Variants in SUCLG2 observed in about 807,000 individuals in gnomAD.
SUCLG2 encodes the protein succinate--CoA ligase [GDP-forming] subunit beta, mitochondrial.
In SUCLG2, 42 loss-of-function variants were observed where a neutral mutation model predicts 47.9. That is an observed-to-expected ratio of 0.88 (90% CI 0.69 to 1.14). SUCLG2 has a LOEUF of 1.14. SUCLG2 is among the 50% of genes most tolerant of loss of function. The pLI is 0.00. For missense variants in SUCLG2, 571 were observed against 525.9 expected (o/e 1.09, Z -0.84); for synonymous variants, 195 against 197.3 (o/e 0.99, Z 0.10).
At chr3:67,457,894 C>G (rs1704229867) in intron 9 of SUCLG2, among the ~76,000 whole-genome samples, 1 of 151,966 alleles carries the variant, frequency 6.6e-6, no homozygotes, top group Non-Finnish European at 1.5e-5. Flanking sequence ...AGTCCCTTCC[C>G]TTTGGATCCT....
intron 7 of SUCLG2, among the ~76,000 whole-genome samples, chr3:67,503,442 T>C (rs1323907325): frequency 6.6e-6 from 1 of 152,244 alleles, no homozygotes; most frequent in Admixed American, 6.5e-5. Flanking sequence ...CGCTTCTAAA[T>C]GCACTTCTTG....
At chr3:67,378,186 T>C (rs955377783) in intron 10 of SUCLG2, among the ~76,000 whole-genome samples, 2 of 152,218 alleles carry the variant, frequency 1.3e-5, no homozygotes, top group Admixed American at 6.5e-5. Flanking sequence ...AAAATGGTTT[T>C]CAAAGATCAA....
intron 1 of SUCLG2, among the ~76,000 whole-genome samples, chr3:67,653,306 T>A (rs1701320573): frequency 6.6e-6 from 1 of 152,208 alleles, no homozygotes; most frequent in Non-Finnish European, 1.5e-5. Context: ...TTAGTGAGTT[T>A]TAATTAGACA....
intron 1 of SUCLG2, among the ~76,000 whole-genome samples, chr3:67,648,777 G>A (rs1318924112): frequency 1.3e-5 from 2 of 152,072 alleles, no homozygotes; most frequent in African/African-American, 2.4e-5. Context: ...TTGCTGAAAT[G>A]AGCCACATCA....
chr3:67,396,791 G>A (rs148006232), intron 10 of SUCLG2, among the ~76,000 whole-genome samples: 12,604 of 152,130 alleles, frequency 0.083, 884 homozygotes, highest in African/African-American at 0.19. Context: ...CTGGCAAACC[G>A]AATCTAGCAG....
At chr3:67,563,150 T>G (rs1188726294) in intron 2 of SUCLG2, among the ~76,000 whole-genome samples, 1 of 151,258 alleles carries the variant, frequency 6.6e-6, no homozygotes, top group African/African-American at 2.4e-5. Context: ...TTTTAATGTA[T>G]TCTCTGAAAA....
At chr3:67,606,023 A>T (rs1361743256) in intron 2 of SUCLG2, among the ~76,000 whole-genome samples, 1 of 151,770 alleles carries the variant, frequency 6.6e-6, no homozygotes, top group Non-Finnish European at 1.5e-5. Context: ...ACACAGAGAG[A>T]CCCCATCTCT....
At chr3:67,564,191 C>G (rs1296204846) in intron 2 of SUCLG2, among the ~76,000 whole-genome samples, 1 of 152,150 alleles carries the variant, frequency 6.6e-6, no homozygotes, top group African/African-American at 2.4e-5. Flanking sequence ...AGAGCGGCTG[C>G]CAGCACAGGA....
intron 2 of SUCLG2, among the ~76,000 whole-genome samples, chr3:67,559,948 T>C (rs950664139): frequency 6.6e-6 from 1 of 151,474 alleles, no homozygotes; most frequent in African/African-American, 2.4e-5. Context: ...GATGTTGGTA[T>C]TGGGGGAGGC....
intron 1 of SUCLG2, among the ~76,000 whole-genome samples, chr3:67,623,091 CTATGTGTATG>C (rs1559601358): frequency 6.7e-6 from 1 of 150,064 alleles, no homozygotes; most frequent in South Asian, 2.1e-4. Flanking sequence ...ATATATATAC[CTATGTGTATG>C]TATGTGTATA....
intron 9 of SUCLG2, among the ~76,000 whole-genome samples, chr3:67,441,978 G>C (rs1239247425): frequency 4.0e-5 from 6 of 151,244 alleles, no homozygotes; most frequent in Non-Finnish European, 8.8e-5. Flanking sequence ...TTTAAAAAGG[G>C]TTGATTTCAT....
chr3:67,474,309 T>C (rs1014778222), intron 9 of SUCLG2, among the ~76,000 whole-genome samples: 1 of 151,966 alleles, frequency 6.6e-6, no homozygotes, highest in African/African-American at 2.4e-5. Flanking sequence ...CAGACTAACA[T>C]TTTCTAGAGC....
intron 9 of SUCLG2, among the ~76,000 whole-genome samples, chr3:67,406,738 A>C (rs1211742402): frequency 2.0e-5 from 3 of 152,162 alleles, no homozygotes; most frequent in Admixed American, 6.6e-5. Context: ...ACGCCATGAC[A>C]AAGAGTTTGA....
chr3:67,454,507 C>T (rs1704133669), intron 9 of SUCLG2, among the ~76,000 whole-genome samples: 1 of 152,156 alleles, frequency 6.6e-6, no homozygotes, highest in Non-Finnish European at 1.5e-5. Context: ...TTCTCCCTCT[C>T]TTCCTCTCTA....
At chr3:67,592,927 C>A (rs1292009640) in intron 2 of SUCLG2, among the ~76,000 whole-genome samples, 1 of 152,118 alleles carries the variant, frequency 6.6e-6, no homozygotes, top group Non-Finnish European at 1.5e-5. Flanking sequence ...AAAATACACT[C>A]ATTTCCCAAT....
chr3:67,477,303 G>A (rs1704788569), intron 9 of SUCLG2, among the ~76,000 whole-genome samples: 1 of 152,088 alleles, frequency 6.6e-6, no homozygotes, highest in South Asian at 2.1e-4. Context: ...CCATTTGGCT[G>A]ACTTTTTTTT....
intron 9 of SUCLG2, among the ~76,000 whole-genome samples, chr3:67,443,149 G>A (rs890895481): frequency 6.6e-6 from 1 of 152,122 alleles, no homozygotes; most frequent in Non-Finnish European, 1.5e-5. Context: ...AACTATAAAG[G>A]AGGATGTGTC....
chr3:67,375,905 C>A (rs11922206), intron 10 of SUCLG2, 46 bp from the exon 11 acceptor site: 1 of 1,591,098 alleles, frequency 6.3e-7, no homozygotes, highest in East Asian at 2.3e-5. Context: ...CTAGAGGTGG[C>A]GCCTTATGAA....
intron 2 of SUCLG2, among the ~76,000 whole-genome samples, chr3:67,553,402 C>T (rs891823569): frequency 6.6e-6 from 1 of 152,120 alleles, no homozygotes; most frequent in African/African-American, 2.4e-5. Flanking sequence ...TTTTTTGTAG[C>T]CTTTGAGTTC....
Sources: allele counts gnomAD v4.1 joint callset (sites outside exome capture counted in the v4.1 genomes callset), GRCh38; gene constraint gnomAD v4.1.1; transcripts MANE v1.5; gene names NCBI Gene and HGNC (gene_info 2026-07-23, HGNC 2026-07-21).